NAGK: variants seen among roughly 807,000 people sequenced by gnomAD.
NAGK encodes N-acetylglucosamine kinase, also known as N-acetyl-D-glucosamine kinase.
NAGK carries 35 observed loss-of-function variants against 42.9 expected under a neutral mutation model. The observed-to-expected ratio is 0.82, with a 90% CI of 0.62 to 1.08. The LOEUF (loss-of-function observed/expected upper bound fraction) is 1.08, where lower values mean the gene tolerates loss of function less well. Ranked by LOEUF, NAGK falls within the 50% of genes least tolerant of loss-of-function variation. The pLI, the probability that NAGK is intolerant of heterozygous loss-of-function variation, is 0.00. For synonymous variants in NAGK, 172 were observed against 176.0 expected (o/e 0.98, Z 0.18); for missense variants, 446 against 446.0 (o/e 1.00, Z 0.00).
chr2:71,070,798 C>G lies in NAGK; in HGVS notation c.172C>G (p.Arg58Gly), dbSNP rs143520899. 1.9e-6 allele frequency: 3 copies of G among 1,614,018 alleles called. No individual in the cohort carries two copies. Among genetic ancestry groups the G allele is most frequent in the African/African-American group, 1.3e-5 (1 of 74,886 alleles). The change falls in exon 3 of 10, where the codon CGG becomes GGG. Residue 58 changes from arginine (R) to glycine (G), a missense_variant. Arg to Gly is a moderately radical substitution (Grantham distance 125). Transcript: ENST00000244204. ...RINEMVNRAK[R>G]KAGVDPLVPL... ...CAATGAGATGGTGAACAGGGCCAAA[C>G]GGAAAGCAGGGGTGGATCCTCTGGT...
Position 71,070,806 on chromosome 2 carries a change from A to G in NAGK, c.180A>G (p.Ala60=). The G allele has an allele frequency of 1.2e-6, 2 of 1,614,214 alleles. No individual in the cohort carries two copies. Among genetic ancestry groups the G allele is most frequent in the Non-Finnish European group, 1.7e-6 (2 of 1,180,026 alleles). Residue 60 remains alanine, a synonymous_variant, in exon 3 of 10, where the codon GCA becomes GCG. Transcript: ENST00000244204. ...TGGTGAACAGGGCCAAACGGAAAGC[A>G]GGGGTGGATCCTCTGGTACCGCTGC... The part of the protein sequence containing the change: ...NEMVNRAKRK[A]GVDPLVPLRS...
chr2:71,069,980 A>G (rs1162495331), intron 1 of NAGK: 2 of 160,724 alleles, frequency 1.2e-5, no homozygotes, highest in African/African-American at 4.8e-5. Context: ...GTCTTTAGCT[A>G]TTGTGAGGGA....
Position 71,078,448 on chromosome 2 carries a change from C to T in NAGK, c.975C>T (p.His325=). Residue 325 remains histidine, a synonymous_variant, in exon 10 of 10, where the codon CAC becomes CAT. Transcript: ENST00000244204. ...GCCTAGGGGCCAGGCACATCGGGCA[C>T]CTCCTCCCCATGGACTATAGCGCCA... ...GASLGARHIG[H]LLPMDYSANA... 1 of 1,612,666 alleles carries T rather than the reference C, an allele frequency of 6.2e-7. No individual in the cohort carries two copies. The highest frequency in any genetic ancestry group is 1.1e-5 in the South Asian group (1 of 90,940).
chr2:71,074,578 G>T (rs1182560798), intron 6 of NAGK: 2 of 152,188 alleles, frequency 1.3e-5, no homozygotes, highest in African/African-American at 4.8e-5. Context: ...ATTGCTGTAG[G>T]TGCTCAAGTT....
intron 3 of NAGK, chr2:71,071,471 A>G (rs1558725190): frequency 1.7e-6 from 1 of 601,532 alleles, no homozygotes; most frequent in East Asian, 3.0e-5. Flanking sequence ...GCATTGTTGA[A>G]TCCCCTCTTT....
Position 71,068,966 on chromosome 2 carries a change from CT to C in NAGK, c.29+256del, listed in dbSNP as rs1398577776. 9 of 1,258,780 alleles carry C rather than the reference CT, an allele frequency of 7.1e-6. No homozygotes were observed. The South Asian group carries it at 2.1e-4, about 29-fold the overall frequency. 78.0% of individuals were successfully genotyped at this position (1,258,780 alleles called of 1,614,324 possible). A position where few individuals can be genotyped will look rare whatever the true frequency, so the allele number is the denominator to read the frequency against. ...TTTCTTGGCGGAACCACGCCCCTTT[CT>C]TCCACGAAACACCCACTCCGCTGTC... On this transcript the variant is annotated intron_variant, in intron 1 of 9. Coordinates refer to ENST00000244204, the MANE Select transcript of NAGK (RefSeq NM_017567.6).
At chr2:71,078,234 G>A in intron 9 of NAGK, 84 bp from the exon 10 acceptor site, 2 of 1,393,662 alleles carry the variant, frequency 1.4e-6, no homozygotes, top group South Asian at 2.4e-5. Context: ...CTCAGGGTCT[G>A]GGCGTCCTTG....
Position 71,073,576 on chromosome 2 carries a change from C to A in NAGK, c.561C>A (p.Ala187=). The change falls in exon 6 of 10, where the codon GCC becomes GCA. Residue 187 remains alanine (A), a synonymous_variant. Coordinates refer to ENST00000244204, the MANE Select transcript of NAGK (RefSeq NM_017567.6). ...ATGATATCGGCTACGTCAAACAGGC[C>A]ATGTTCCACTATTTCCAGGTACTCC... is the stretch of plus-strand genomic sequence containing the variant. ...APHDIGYVKQ[A]MFHYFQVPDR... 1 of 1,613,556 alleles carries A rather than the reference C, an allele frequency of 6.2e-7. No individual in the cohort carries two copies.
At chr2:71,072,357 G>A (rs1275120437) in intron 4 of NAGK, 2 of 432,158 alleles carry the variant, frequency 4.6e-6, no homozygotes, top group Non-Finnish European at 8.6e-6. Context: ...AGCAGGTAGA[G>A]TCACTGGAAG....
In NAGK at chr2:71,071,786, C is replaced by T. The variant is rs1199995604; in HGVS notation, c.314C>T (p.Thr105Ile). Residue 105 changes from threonine (T) to isoleucine (I), a missense_variant, in exon 4 of 10, where the codon ACC (threonine) becomes ATC (isoleucine). By Grantham distance (89) the Thr-to-Ile change is moderately conservative. Transcript: ENST00000244204. ...FPYLSESYLI[T>I]TDAAGSIATA... ...TACCTGAGTGAAAGCTACTTAATCACCACCGATGCCGCCGGCTCCATCGCC... is the reference window on the plus strand; with the variant it reads ...TACCTGAGTGAAAGCTACTTAATCATCACCGATGCCGCCGGCTCCATCGCC... 1.1e-5 allele frequency: 18 copies of T among 1,614,188 alleles called. No individual in the cohort carries two copies. Among genetic ancestry groups the T allele is most frequent in the South Asian group, 3.3e-5 (3 of 91,090 alleles).
Position 71,076,643 on chromosome 2 carries a change from G to A in NAGK, c.707G>A (p.Arg236Lys), listed in dbSNP as rs1317400538. The change falls in exon 8 of 10, where the codon AGG becomes AAG. Residue 236 changes from arginine (R) to lysine (K), a missense_variant. Physicochemically the swap from Arg to Lys is conservative, Grantham distance 26 (BLOSUM62 2). Coordinates refer to ENST00000244204, the MANE Select transcript of NAGK (RefSeq NM_017567.6). ...QGDPLSRYIF[R>K]KAGEMLGRHI... ...GACCCCCTTTCCCGCTATATCTTCA[G>A]GAAGGCTGGGGAGATGCTGGGCAGA... is the stretch of plus-strand genomic sequence containing the variant. 1 of 1,613,976 alleles carries A rather than the reference G, an allele frequency of 6.2e-7. No homozygotes were observed. The highest frequency in any genetic ancestry group is 8.5e-7 in the Non-Finnish European group (1 of 1,179,908).
At chr2:71,071,096 C>T (rs369675727) in intron 3 of NAGK, 51 of 486,570 alleles carry the variant, frequency 1.0e-4, no homozygotes, top group East Asian at 6.9e-4. Flanking sequence ...TCAGTATCTG[C>T]GTAACCCTGT....
At position 71,077,706 on chromosome 2, in the gene NAGK, C is replaced by G. The variant is rs996900867; in HGVS notation, c.844+70C>G. 3.9e-6 allele frequency: 6 copies of G among 1,519,042 alleles called. No homozygotes were observed. The African/African-American group carries it at 6.9e-5, about 17-fold the overall frequency. The allele number at this position is 1,519,042 out of a possible 1,614,324, so 94.1% of individuals were successfully genotyped here. On this transcript the variant is annotated intron_variant, in intron 9 of 9. Transcript: ENST00000244204. The stretch of plus-strand genomic sequence containing the variant: ...CTGGAAAGGAGGTGGCCCAGGAAAG[C>G]TTTTTGCCCCAGAGAGAACCTGCTT...
chr2:71,071,610 A>AT (rs1287883863), intron 3 of NAGK, 76 bp from the exon 4 acceptor site: 1 of 1,509,128 alleles, frequency 6.6e-7, no homozygotes, highest in East Asian at 2.5e-5. Flanking sequence ...GGAATCAGGC[A>AT]TCAGGAGGGG....
rs573107605 is a variant in NAGK at position 71,073,694 on chromosome 2, G to A, written c.579+100G>A. ...GGGGAGGGCCTGGGCGGACCGGCAG[G>A]AAATAGGGTGAGTTGTGGGTCTGAG... is the stretch of plus-strand genomic sequence containing the variant. On this transcript the variant is annotated intron_variant, in intron 6 of 9. Coordinates refer to ENST00000244204, the MANE Select transcript of NAGK (RefSeq NM_017567.6). 3.1e-6 allele frequency: 3 copies of A among 971,536 alleles called. No homozygotes were observed. The East Asian group carries it at 7.2e-5, about 23-fold the overall frequency. 60.2% of individuals were successfully genotyped at this position (971,536 alleles called of 1,614,324 possible).
At chr2:71,072,881 T>G (rs778009957) in intron 5 of NAGK, 130 bp downstream of exon 5, 4 of 790,572 alleles carry the variant, frequency 5.1e-6, no homozygotes, top group Non-Finnish European at 8.6e-6. Flanking sequence ...ACCTGGCCAT[T>G]CCATGTGCAG....
chr2:71,073,112 C>T, intron 5 of NAGK: 1 of 453,958 alleles, frequency 2.2e-6, no homozygotes, highest in Non-Finnish European at 4.1e-6. Context: ...GCCCTTCCAA[C>T]ATCACCTCTC....
chr2:71,077,722 G>A, intron 9 of NAGK, 86 bp downstream of exon 9: 3 of 1,440,558 alleles, frequency 2.1e-6, no homozygotes, highest in Non-Finnish European at 1.9e-6. Context: ...GCCCCAGAGA[G>A]AACCTGCTTC....
chr2:71,069,209 TG>T, intron 1 of NAGK: 1 of 588,634 alleles, frequency 1.7e-6, no homozygotes, highest in Non-Finnish European at 2.1e-6. Flanking sequence ...CCATCCCTGT[TG>T]GCCTTCCATG....
Sources: gnomAD v4.1 joint callset for allele counts on GRCh38, gnomAD v4.1.1 for gene constraint, MANE v1.5 for transcripts, NCBI Gene and HGNC (gene_info 2026-07-23, HGNC 2026-07-21) for gene names.